The following GALNT15 variants were observed in gnomAD, a reference collection of about 807,000 sequenced individuals.
GALNT15 encodes polypeptide N-acetylgalactosaminyltransferase 15, also known as UDP-GalNAc transferase T15.
Under a neutral mutation model 66.8 loss-of-function variants are expected in GALNT15, and 67 were observed. That is an observed-to-expected ratio of 1.00 (90% CI 0.82 to 1.23). The LOEUF (loss-of-function observed/expected upper bound fraction) is 1.23, where lower values mean the gene tolerates loss of function less well. Among genes scored for constraint, GALNT15 ranks in the 50% most tolerant of loss-of-function variants. The pLI, the probability that GALNT15 is intolerant of heterozygous loss-of-function variation, is 0.00. For synonymous variants in GALNT15, 313 were observed against 311.5 expected (o/e 1.00, Z -0.05); for missense variants, 827 against 804.3 (o/e 1.03, Z -0.34).
the GALNT15 span, among the ~76,000 whole-genome samples, chr3:16,242,984 G>A: frequency 6.6e-6 from 1 of 152,104 alleles, no homozygotes; most frequent in Admixed American, 6.6e-5. This position sits in a 1 kb window ranked among gnomAD's most constrained non-coding sequence, Gnocchi z 5.6. Context: ...TCAATGTAAG[G>A]GTGCTTTGAG....
In GALNT15 at chr3:16,219,832, G is replaced by A; in HGVS notation, c.1525-78G>A. 1.6e-6 allele frequency: 2 copies of A among 1,214,040 alleles called. No individual in the cohort carries two copies. The highest frequency in any genetic ancestry group is 2.3e-5 in the East Asian group (1 of 42,966). 75.2% of individuals were successfully genotyped at this position (1,214,040 alleles called of 1,614,324 possible). A position where few individuals can be genotyped will look rare whatever the true frequency, so the allele number is the denominator to read the frequency against. On this transcript the variant is annotated intron_variant, in intron 7 of 9. Coordinates refer to ENST00000339732, the MANE Select transcript of GALNT15 (RefSeq NM_054110.5). The surrounding 1 kb of genome is among the most constrained non-coding windows in gnomAD (Gnocchi z 4.3). ...CTTGGGCTGCACTCCAGAGAATACAGCAAAGGAATGGTGTCTGACCGAGGG... is the reference window on the plus strand; with the variant it reads ...CTTGGGCTGCACTCCAGAGAATACAACAAAGGAATGGTGTCTGACCGAGGG...
At chr3:16,237,870 G>C in the GALNT15 span, among the ~76,000 whole-genome samples, 1,943 of 152,190 alleles carry the variant, frequency 0.013, 43 homozygotes, top group African/African-American at 0.045. The surrounding 1 kb of genome is among the most constrained non-coding windows in gnomAD (Gnocchi z 4.2). Flanking sequence ...TCACAGACTG[G>C]TTTACGCAAT....
At chr3:16,190,391 C>A (rs1175822865) in intron 1 of GALNT15, among the ~76,000 whole-genome samples, 3 of 152,192 alleles carry the variant, frequency 2.0e-5, no homozygotes, top group Non-Finnish European at 2.9e-5. Flanking sequence ...GTAATCCCAG[C>A]ACTTTGGGAG....
In GALNT15 at chr3:16,211,044, C is replaced by T; in HGVS notation, c.1080-80C>T. 2 of 1,005,804 alleles carry T rather than the reference C, an allele frequency of 2.0e-6. No homozygotes were observed. Among genetic ancestry groups the T allele is most frequent in the South Asian group, 2.7e-5 (2 of 75,366 alleles). The allele number at this position is 1,005,804 out of a possible 1,614,324, so 62.3% of individuals were successfully genotyped here. On this transcript the variant is annotated intron_variant, in intron 4 of 9. Coordinates refer to ENST00000339732, the MANE Select transcript of GALNT15 (RefSeq NM_054110.5). The surrounding 1 kb of genome is among the most constrained non-coding windows in gnomAD (Gnocchi z 4.3). ...TTCTCTCAGCCACTGGAGCTCCCAC[C>T]TGGGAAGCCCCAGCCCCCAGCCTCG... is the stretch of plus-strand genomic sequence containing the variant.
the GALNT15 span, among the ~76,000 whole-genome samples, chr3:16,243,294 C>T: frequency 6.6e-6 from 1 of 152,232 alleles, no homozygotes; most frequent in Non-Finnish European, 1.5e-5. Flanking sequence ...AGAGCTGGGG[C>T]TGATATCCAA....
In GALNT15 at chr3:16,228,455, A is replaced by G; in HGVS notation, c.*955A>G. On this transcript the variant is annotated 3_prime_UTR_variant, in exon 10 of 10. Coordinates refer to ENST00000339732, the MANE Select transcript of GALNT15 (RefSeq NM_054110.5). Reference sequence around the variant, plus strand: ...CAGGGGTTTGAGACCAGCCTGGTCAACATTGCAAAACCTTGTCTCTACTAA... The same window carrying G: ...CAGGGGTTTGAGACCAGCCTGGTCAGCATTGCAAAACCTTGTCTCTACTAA... 5 of 635,208 alleles carry G rather than the reference A, an allele frequency of 7.9e-6. No individual in the cohort carries two copies. Among genetic ancestry groups the G allele is most frequent in the Non-Finnish European group, 9.8e-6 (5 of 510,070 alleles). 39.3% of individuals were successfully genotyped at this position (635,208 alleles called of 1,614,324 possible). A position where few individuals can be genotyped will look rare whatever the true frequency, so the allele number is the denominator to read the frequency against.
At chr3:16,205,678 C>G (rs2063749040) in intron 3 of GALNT15, among the ~76,000 whole-genome samples, 2 of 152,196 alleles carry the variant, frequency 1.3e-5, no homozygotes, top group Admixed American at 1.3e-4. Flanking sequence ...AACCACAAAG[C>G]TAAATAGAAG....
downstream of GALNT15, among the ~76,000 whole-genome samples, chr3:16,233,976 T>C (rs1313825371): frequency 6.6e-6 from 1 of 152,166 alleles, no homozygotes; most frequent in Non-Finnish European, 1.5e-5. Context: ...CAGATTACCC[T>C]ATACAGTGGA....
At position 16,202,052 on chromosome 3, in the gene GALNT15, A is replaced by G. The variant is rs187351525; in HGVS notation, c.911+1229A>G. Among the ~76,000 whole-genome samples the G allele has an allele frequency of 8.1e-4, 124 of 152,380 alleles. No individual in the cohort carries two copies. The East Asian group carries it at 0.016, about 20-fold the overall frequency. ...ATTATCTCACCTGAAGTTAGGGATG[A>G]TCAATCAAATATAAGAAAAAATTCC... is the stretch of plus-strand genomic sequence containing the variant. On this transcript the variant is annotated intron_variant, in intron 3 of 9. Coordinates refer to ENST00000339732, the MANE Select transcript of GALNT15 (RefSeq NM_054110.5).
chr3:16,215,665 A>T (rs1212279144), intron 6 of GALNT15, among the ~76,000 whole-genome samples: 1 of 152,168 alleles, frequency 6.6e-6, no homozygotes, highest in East Asian at 1.9e-4. Context: ...TAATCCCAGC[A>T]CTTTGGGAGG....
At position 16,176,872 on chromosome 3, in the gene GALNT15, G is replaced by T. The variant is rs1190769483; in HGVS notation, c.539+1182G>T. 6.6e-6 allele frequency among the ~76,000 whole-genome samples: 1 copy of T among 152,152 alleles called. No homozygotes were observed. Among genetic ancestry groups the T allele is most frequent in the Non-Finnish European group, 1.5e-5 (1 of 68,038 alleles). On this transcript the variant is annotated intron_variant, in intron 1 of 9. Coordinates refer to ENST00000339732, the MANE Select transcript of GALNT15 (RefSeq NM_054110.5). The surrounding 1 kb of genome is among the most constrained non-coding windows in gnomAD (Gnocchi z 5.6). ...CACTCACACTCGAGGGTGTGCAATT[G>T]CAGGGTCAGCAGCCGGGAGTGAACA...
the GALNT15 span, among the ~76,000 whole-genome samples, chr3:16,243,626 G>C: frequency 1.3e-5 from 2 of 152,236 alleles, no homozygotes; most frequent in African/African-American, 4.8e-5. Flanking sequence ...AGTGTCCAAA[G>C]GAGCTTCTCA....
At position 16,175,380 on chromosome 3, in the gene GALNT15, G is replaced by C. The variant is rs926828793; in HGVS notation, c.229G>C (p.Glu77Gln). The change falls in exon 1 of 10, where the codon GAG (glutamate) becomes CAG (glutamine). Residue 77 changes from glutamate (E) to glutamine (Q), a missense_variant. Coordinates refer to ENST00000339732, the MANE Select transcript of GALNT15 (RefSeq NM_054110.5). The surrounding 1 kb of genome is among the most constrained non-coding windows in gnomAD (Gnocchi z 5.6). ...WVLEAEDEGE[E>Q]YSPLEGLPPF... ...ACTGGAAGCTGAGGATGAGGGTGAAGAGTACAGCCCTCTGGAGGGCCTGCC... is the reference window on the plus strand; with the variant it reads ...ACTGGAAGCTGAGGATGAGGGTGAACAGTACAGCCCTCTGGAGGGCCTGCC... The C allele has an allele frequency of 1.5e-5, 24 of 1,614,088 alleles. No individual in the cohort carries two copies. Among genetic ancestry groups the C allele is most frequent in the Non-Finnish European group, 1.9e-5 (22 of 1,180,038 alleles).
At chr3:16,245,027 C>A in the GALNT15 span, among the ~76,000 whole-genome samples, 19 of 152,126 alleles carry the variant, frequency 1.2e-4, no homozygotes, top group Admixed American at 6.5e-4. Flanking sequence ...ACTCAAACAT[C>A]CAGGGAGCAA....
At chr3:16,239,847 A>T in the GALNT15 span, among the ~76,000 whole-genome samples, 2 of 152,322 alleles carry the variant, frequency 1.3e-5, no homozygotes, top group East Asian at 3.9e-4. The surrounding 1 kb of genome is among the most constrained non-coding windows in gnomAD (Gnocchi z 5.2). Context: ...CTTTGTTGTA[A>T]ACATATGATA....
intron 3 of GALNT15, among the ~76,000 whole-genome samples, chr3:16,201,837 C>T (rs1319083063): frequency 6.6e-6 from 1 of 152,250 alleles, no homozygotes; most frequent in African/African-American, 2.4e-5. Context: ...TACCCTCAAT[C>T]TGAATATCCT....
In GALNT15 at chr3:16,175,584, G is replaced by C; in HGVS notation, c.433G>C (p.Glu145Gln). 6.2e-7 allele frequency: 1 copy of C among 1,613,754 alleles called. No homozygotes were observed. The highest frequency in any genetic ancestry group is 2.2e-5 in the East Asian group (1 of 44,864). Residue 145 changes from glutamate to glutamine, a missense_variant, in exon 1 of 10, where the codon GAA becomes CAA. Physicochemically the swap from Glu to Gln is conservative, Grantham distance 29. Coordinates refer to ENST00000339732, the MANE Select transcript of GALNT15 (RefSeq NM_054110.5). The surrounding 1 kb of genome is among the most constrained non-coding windows in gnomAD (Gnocchi z 5.6). ...WGADEDGEVS[E>Q]EEELTPFSLD... ...GGCTGATGAGGACGGGGAGGTGTCT[G>C]AAGAAGAGGAGTTGACCCCGTTCAG...
In GALNT15 at chr3:16,227,717, T is replaced by G; in HGVS notation, c.*217T>G. On this transcript the variant is annotated 3_prime_UTR_variant, in exon 10 of 10. Coordinates refer to ENST00000339732, the MANE Select transcript of GALNT15 (RefSeq NM_054110.5). The surrounding 1 kb of genome is among the most constrained non-coding windows in gnomAD (Gnocchi z 4.5). Reference sequence around the variant, plus strand: ...TTTAAAAAAAAAAAAAAAGGATCCATTGTACCGTTGTCTTCATCACTGGGA... The same window carrying G: ...TTTAAAAAAAAAAAAAAAGGATCCAGTGTACCGTTGTCTTCATCACTGGGA... The G allele has an allele frequency of 7.2e-7, 1 of 1,387,986 alleles. No individual in the cohort carries two copies. Among genetic ancestry groups the G allele is most frequent in the Non-Finnish European group, 9.3e-7 (1 of 1,076,392 alleles). The allele number at this position is 1,387,986 out of a possible 1,614,324, so 86.0% of individuals were successfully genotyped here. A position where few individuals can be genotyped will look rare whatever the true frequency, so the allele number is the denominator to read the frequency against.
rs1327073565 is a variant in GALNT15, at chr3:16,225,469, G to A, written c.1774-1885G>A. ...CCCAGCACTTCGGGAGGCCGAGGCA[G>A]GTGGATCACGAGGTCAGGAGGCTGA... is the stretch of plus-strand genomic sequence containing the variant. On this transcript the variant is annotated intron_variant, in intron 9 of 9. Transcript: ENST00000339732. This position sits in a 1 kb window ranked among gnomAD's most constrained non-coding sequence, Gnocchi z 4.4. Among the ~76,000 whole-genome samples, 4 of 152,266 alleles carry A rather than the reference G, an allele frequency of 2.6e-5. No individual in the cohort carries two copies. Among genetic ancestry groups the A allele is most frequent in the African/African-American group, 7.2e-5 (3 of 41,474 alleles).
Sources: gnomAD v4.1 joint callset for allele counts (sites outside exome capture counted in the v4.1 genomes callset) on GRCh38, gnomAD v4.1.1 for gene constraint, Gnocchi (gnomAD v3.1) non-coding constraint, MANE v1.5 for transcripts, NCBI Gene and HGNC (gene_info 2026-07-23, HGNC 2026-07-21) for gene names.